The following ROR1 variants were observed in gnomAD, a reference collection of about 807,000 sequenced individuals.
The protein encoded by ROR1 is inactive tyrosine-protein kinase transmembrane receptor ROR1.
In ROR1, 19 loss-of-function variants were observed where a neutral mutation model predicts 78.8. The observed-to-expected ratio is 0.24, with a 90% CI of 0.17 to 0.35. ROR1 has a LOEUF of 0.35. Ranked by LOEUF, ROR1 falls within the 10% of genes least tolerant of loss-of-function variation. The pLI is 1.00. For missense variants in ROR1, 917 were observed against 1,177.8 expected (o/e 0.78, Z 3.24); for synonymous variants, 386 against 433.6 (o/e 0.89, Z 1.36).
Position 64,026,650 on chromosome 1 carries a change from G to A in ROR1, c.163+17274G>A, listed in dbSNP as rs551385837. Among the ~76,000 whole-genome samples, 13 of 152,328 alleles carry A rather than the reference G, an allele frequency of 8.5e-5. No individual in the cohort carries two copies. In the South Asian group the frequency reaches 2.5e-3, roughly 29 times the overall value. ...ACTCACGGTTCCACATGGCTGCGGA[G>A]GCCTCAGAAAGTTTACAATCATGGC... is the stretch of plus-strand genomic sequence containing the variant. On this transcript the variant is annotated intron_variant, in intron 2 of 8. Transcript: ENST00000371079.
chr1:63,882,522 A>G (rs1645330032), intron 1 of ROR1, among the ~76,000 whole-genome samples: 1 of 152,212 alleles, frequency 6.6e-6, no homozygotes, highest in Non-Finnish European at 1.5e-5. Context: ...ATCTGAAACC[A>G]GATGTCTCAA....
intron 1 of ROR1, among the ~76,000 whole-genome samples, chr1:63,806,958 A>T (rs1167436464): frequency 6.6e-6 from 1 of 152,196 alleles, no homozygotes; most frequent in South Asian, 2.1e-4. Context: ...CAGGCATGGT[A>T]CTGGGTTCTT....
chr1:64,054,113 C>T (rs1478333005), intron 4 of ROR1, among the ~76,000 whole-genome samples: 1 of 152,090 alleles, frequency 6.6e-6, no homozygotes, highest in Non-Finnish European at 1.5e-5. Flanking sequence ...ACTACCGTGC[C>T]TGGCAAATTT....
intron 4 of ROR1, among the ~76,000 whole-genome samples, chr1:64,094,160 T>C (rs1422501549): frequency 1.3e-5 from 2 of 152,198 alleles, no homozygotes; most frequent in African/African-American, 4.8e-5. Context: ...GTAACTCTTC[T>C]TAAATAACTA....
At chr1:64,008,219 G>A (rs945704904) in intron 1 of ROR1, among the ~76,000 whole-genome samples, 8 of 152,038 alleles carry the variant, frequency 5.3e-5, no homozygotes, top group Non-Finnish European at 4.4e-5. Context: ...CATGATATTT[G>A]GTTTTCTGCT....
intron 8 of ROR1, among the ~76,000 whole-genome samples, chr1:64,176,831 C>T (rs1163484766): frequency 3.3e-5 from 5 of 152,126 alleles, no homozygotes; most frequent in Non-Finnish European, 5.9e-5. Flanking sequence ...AATAAATATT[C>T]GAAGAATGGC....
At chr1:63,824,183 A>G (rs1310926430) in intron 1 of ROR1, among the ~76,000 whole-genome samples, 1 of 152,196 alleles carries the variant, frequency 6.6e-6, no homozygotes, top group African/African-American at 2.4e-5. Flanking sequence ...TGCACCCAGC[A>G]GGGTTGGGTA....
rs1648548919 is a variant in ROR1 at position 64,121,693 on chromosome 1, C to T, written c.483-15676C>T. ...GTTTTTATATTATCCACAGAGTCTG[C>T]ATCCAATATTGGCTGCACCAGAGCA... On this transcript the variant is annotated intron_variant, in intron 4 of 8. Transcript: ENST00000371079. Among the ~76,000 whole-genome samples the T allele has an allele frequency of 3.3e-5, 5 of 151,438 alleles. No homozygotes were observed. The South Asian group carries it at 1.1e-3, about 32-fold the overall frequency.
At chr1:64,124,053 A>G (rs1648631889) in intron 4 of ROR1, among the ~76,000 whole-genome samples, 1 of 152,206 alleles carries the variant, frequency 6.6e-6, no homozygotes, top group Non-Finnish European at 1.5e-5. Flanking sequence ...ATATTACATT[A>G]AAAAGAAAAA....
intron 1 of ROR1, among the ~76,000 whole-genome samples, chr1:63,829,977 G>C (rs1467856507): frequency 6.6e-6 from 1 of 151,450 alleles, no homozygotes; most frequent in Admixed American, 6.6e-5. Context: ...CTTAAATTCT[G>C]TTTGAATCTG....
chr1:63,880,275 G>A (rs1645314196), intron 1 of ROR1, among the ~76,000 whole-genome samples: 2 of 152,192 alleles, frequency 1.3e-5, no homozygotes, highest in Non-Finnish European at 2.9e-5. Context: ...GAATTAATAA[G>A]CATGGAAAGA....
In ROR1 at chr1:64,177,664, C is replaced by A; in HGVS notation, c.1623C>A (p.Ala541=). ...CCAATATTGTCTGCCTTCTAGGTGCCGTCACTCAGGAACAACCTGTGTGCA... is the reference window on the plus strand; with the variant it reads ...CCAATATTGTCTGCCTTCTAGGTGCAGTCACTCAGGAACAACCTGTGTGCA... ...HHPNIVCLLG[A]VTQEQPVCML... is the part of the protein sequence containing the mutation. Residue 541 remains alanine, a synonymous_variant, in exon 9 of 9, where the codon GCC becomes GCA. Coordinates refer to ENST00000371079, the MANE Select transcript of ROR1 (RefSeq NM_005012.4). The A allele has an allele frequency of 6.2e-7, 1 of 1,614,148 alleles. No individual in the cohort carries two copies. The highest frequency in any genetic ancestry group is 1.1e-5 in the South Asian group (1 of 91,066).
chr1:63,841,528 A>G lies in ROR1; in HGVS notation c.91+67020A>G, dbSNP rs551710739. ...AGTCTTAGAATTCTGTTCTGCTTCC[A>G]TGTTACATGTAAGAGTTTGTAATTA... On this transcript the variant is annotated intron_variant, in intron 1 of 8. Coordinates refer to ENST00000371079, the MANE Select transcript of ROR1 (RefSeq NM_005012.4). 3.3e-4 allele frequency among the ~76,000 whole-genome samples: 50 copies of G among 152,340 alleles called. No homozygotes were observed. The Middle Eastern group carries it at 0.01, about 31-fold the overall frequency.
At chr1:63,793,099 T>C (rs1326503350) in intron 1 of ROR1, among the ~76,000 whole-genome samples, 2 of 152,206 alleles carry the variant, frequency 1.3e-5, no homozygotes, top group African/African-American at 4.8e-5. Flanking sequence ...TTAAAATTAT[T>C]CTATGCATTT....
chr1:64,074,337 A>C (rs1228745040), intron 4 of ROR1, among the ~76,000 whole-genome samples: 1 of 152,224 alleles, frequency 6.6e-6, no homozygotes, highest in East Asian at 1.9e-4. Context: ...TAGCTACATT[A>C]ACTATTTAAG....
At chr1:63,775,186 C>CGCGT (rs1353016973) in intron 1 of ROR1, 3 of 152,036 alleles carry the variant, frequency 2.0e-5, no homozygotes, top group African/African-American at 7.3e-5. Flanking sequence ...CGCGCGCGCG[C>CGCGT]GCGTGTGTGT....
intron 4 of ROR1, 116 bp from the exon 5 acceptor site, chr1:64,137,253 T>A: frequency 2.9e-6 from 3 of 1,037,896 alleles, no homozygotes; most frequent in Non-Finnish European, 4.2e-6. Flanking sequence ...CAGTCTTTTG[T>A]ATATTGTGCC....
At chr1:63,859,399 G>A in intron 1 of ROR1, among the ~76,000 whole-genome samples, 1 of 152,120 alleles carries the variant, frequency 6.6e-6, no homozygotes, top group East Asian at 1.9e-4. Context: ...ATTCTGCAAA[G>A]CTTACTTGAG....
intron 1 of ROR1, among the ~76,000 whole-genome samples, chr1:63,954,846 G>A (rs1645968430): frequency 6.6e-6 from 1 of 152,098 alleles, no homozygotes; most frequent in Admixed American, 6.5e-5. Flanking sequence ...TCTGTTGGGG[G>A]TCCTGGAACC....
Sources: gnomAD v4.1 joint callset for allele counts (sites outside exome capture counted in the v4.1 genomes callset) on GRCh38, gnomAD v4.1.1 for gene constraint, MANE v1.5 for transcripts, NCBI Gene and HGNC (gene_info 2026-07-23, HGNC 2026-07-21) for gene names.